NFIB: variants seen among roughly 807,000 people sequenced by gnomAD.
NFIB encodes the protein nuclear factor I B.
In NFIB, 11 loss-of-function variants were observed where a neutral mutation model predicts 61.5. The ratio of observed to expected loss-of-function variants is 0.18; its 90% CI spans 0.11 to 0.30. NFIB has a LOEUF of 0.30. Ranked by LOEUF, NFIB falls within the 10% of genes least tolerant of loss-of-function variation. The pLI, the probability that NFIB is intolerant of heterozygous loss-of-function variation, is 1.00. For synonymous variants in NFIB, 260 were observed against 216.5 expected, an observed-to-expected ratio of 1.20 and a Z score of -1.76; for missense variants, 471 against 608.9, an observed-to-expected ratio of 0.77 and a Z score of 2.38.
the NFIB span, among the ~76,000 whole-genome samples, chr9:14,498,768 TCCCTC>T: frequency 3.7e-5 from 1 of 27,294 alleles, no homozygotes; most frequent in Non-Finnish European, 8.1e-5. Flanking sequence ...CTCATGGCCC[TCCCTC>T]CCTCCCTCCC....
At chr9:14,481,565 A>G in the NFIB span, among the ~76,000 whole-genome samples, 1 of 151,932 alleles carries the variant, frequency 6.6e-6, no homozygotes, top group Admixed American at 6.6e-5. Flanking sequence ...AGTCCTATTG[A>G]CTTTGGATTT....
the NFIB span, among the ~76,000 whole-genome samples, chr9:14,449,320 G>A: frequency 1.3e-5 from 2 of 152,142 alleles, no homozygotes; most frequent in East Asian, 3.9e-4. Flanking sequence ...CATTGAGAGA[G>A]CTAAAACCTA....
intron 10 of NFIB, among the ~76,000 whole-genome samples, chr9:14,095,340 C>G (rs2034608153): frequency 6.6e-6 from 1 of 151,972 alleles, no homozygotes; most frequent in South Asian, 2.1e-4. Flanking sequence ...TATATAAGAA[C>G]TCAGGTAGCT....
At chr9:14,489,611 C>A in the NFIB span, among the ~76,000 whole-genome samples, 5 of 152,104 alleles carry the variant, frequency 3.3e-5, no homozygotes, top group Non-Finnish European at 7.4e-5. Flanking sequence ...AGGCTACTAG[C>A]CTCCTGGTTC....
At chr9:14,191,403 T>A (rs980486190) in intron 2 of NFIB, among the ~76,000 whole-genome samples, 1 of 152,050 alleles carries the variant, frequency 6.6e-6, no homozygotes, top group African/African-American at 2.4e-5. Context: ...AAGCCCACCA[T>A]GAAATCTACT....
chr9:14,133,641 C>G (rs2040663906), intron 6 of NFIB, among the ~76,000 whole-genome samples: 1 of 152,134 alleles, frequency 6.6e-6, no homozygotes, highest in Non-Finnish European at 1.5e-5. Context: ...AAAAAGACCA[C>G]AATTTCTCTG....
the NFIB span, among the ~76,000 whole-genome samples, chr9:14,427,934 GTTGT>G: frequency 1.5e-4 from 4 of 25,944 alleles, no homozygotes; most frequent in Non-Finnish European, 3.3e-4. Flanking sequence ...CTTTAATTCA[GTTGT>G]TTTTTTTTTT....
At chr9:14,106,158 G>C (rs2036522725) in intron 10 of NFIB, among the ~76,000 whole-genome samples, 1 of 152,010 alleles carries the variant, frequency 6.6e-6, no homozygotes, top group South Asian at 2.1e-4. Context: ...AATACCAAGT[G>C]CCACTCAGTT....
chr9:14,405,803 C>A, the NFIB span, among the ~76,000 whole-genome samples: 2 of 152,122 alleles, frequency 1.3e-5, no homozygotes, highest in Non-Finnish European at 2.9e-5. Flanking sequence ...CCTATTTAGC[C>A]CCGATGGGTT....
At chr9:14,292,321 TA>T (rs1437812418) in intron 2 of NFIB, among the ~76,000 whole-genome samples, 1 of 152,214 alleles carries the variant, frequency 6.6e-6, no homozygotes, top group African/African-American at 2.4e-5. Flanking sequence ...ACCTCTTTCT[TA>T]AAAAGTAAGC....
the NFIB span, among the ~76,000 whole-genome samples, chr9:14,530,322 A>G: frequency 6.6e-6 from 1 of 152,172 alleles, no homozygotes; most frequent in African/African-American, 2.4e-5. Flanking sequence ...AAGAGATACA[A>G]CCATAAATAA....
At chr9:14,352,295 A>T (rs2061122457) in intron 1 of NFIB, among the ~76,000 whole-genome samples, 1 of 151,962 alleles carries the variant, frequency 6.6e-6, no homozygotes, top group Non-Finnish European at 1.5e-5. Context: ...TATATATAAT[A>T]GATGTTATCA....
At chr9:14,461,986 C>G in the NFIB span, among the ~76,000 whole-genome samples, 1 of 152,302 alleles carries the variant, frequency 6.6e-6, no homozygotes, top group African/African-American at 2.4e-5. Context: ...GCATCAAAGG[C>G]ATTTCCCCTG....
rs35383730 is a variant in NFIB, at chr9:14,089,042, G to A, written c.1468-716C>T. On this transcript the variant is annotated intron_variant, in intron 10 of 10. Transcript: ENST00000380953. ...TCGTGAGGAAAAACATTTACAGGAG[G>A]CCACAAAGGTCTCTGCTTGCACTGA... 1.3e-3 allele frequency among the ~76,000 whole-genome samples: 200 copies of A among 152,136 alleles called. 1 individual carries two copies. Among genetic ancestry groups the A allele is most frequent in the Non-Finnish European group, 2.2e-3 (152 of 67,998 alleles).
chr9:14,244,599 G>GGTCT (rs1235068752), intron 2 of NFIB, among the ~76,000 whole-genome samples: 1 of 152,150 alleles, frequency 6.6e-6, no homozygotes, highest in Non-Finnish European at 1.5e-5. Context: ...TAACTTTGCA[G>GGTCT]CATATCAAAG....
chr9:14,196,224 C>T (rs938732037), intron 2 of NFIB, among the ~76,000 whole-genome samples: 3 of 152,148 alleles, frequency 2.0e-5, no homozygotes, highest in African/African-American at 7.2e-5. Context: ...CATTACTCCT[C>T]CCATGAGGCA....
the NFIB span, among the ~76,000 whole-genome samples, chr9:14,414,161 G>T: frequency 6.6e-6 from 1 of 152,098 alleles, no homozygotes; most frequent in African/African-American, 2.4e-5. Flanking sequence ...ATATGGGCCG[G>T]GTGTGGTGGC....
chr9:14,213,046 A>G (rs1409416954), intron 2 of NFIB, among the ~76,000 whole-genome samples: 1 of 152,222 alleles, frequency 6.6e-6, no homozygotes, highest in Admixed American at 6.5e-5. Context: ...TTATACATCA[A>G]TCATGTTTAT....
At chr9:14,259,765 C>T (rs1225150084) in intron 2 of NFIB, among the ~76,000 whole-genome samples, 1 of 151,936 alleles carries the variant, frequency 6.6e-6, no homozygotes, top group African/African-American at 2.4e-5. Context: ...ATTAGCCGGG[C>T]GTGGTGGCGG....
Sources: allele counts gnomAD v4.1 joint callset (sites outside exome capture counted in the v4.1 genomes callset), GRCh38; gene constraint gnomAD v4.1.1; transcripts MANE v1.5; gene names NCBI Gene and HGNC (gene_info 2026-07-23, HGNC 2026-07-21).